Variants in SMCO1 observed in about 807,000 individuals in gnomAD.
SMCO1 encodes single-pass membrane protein with coiled-coil domains 1, also known as single-pass membrane and coiled-coil domain-containing protein 1.
Under a neutral mutation model 7.5 loss-of-function variants are expected in SMCO1, and 9 were observed. That is an observed-to-expected ratio of 1.20 (90% CI 0.72 to 2.09). SMCO1 has a LOEUF of 2.09. SMCO1 is among the 30% of genes most tolerant of loss of function. SMCO1 has a pLI of 0.00. For synonymous variants in SMCO1, 90 were observed against 93.8 expected, an observed-to-expected ratio of 0.96 and a Z score of 0.23; for missense variants, 219 against 253.1, an observed-to-expected ratio of 0.87 and a Z score of 0.91.
At chr3:196,517,498 G>A (rs1167097580), upstream of SMCO1, among the ~76,000 whole-genome samples, 4 of 152,100 alleles carry the variant, frequency 2.6e-5, no homozygotes, top group Non-Finnish European at 5.9e-5. Context: ...ATAAGGAAGC[G>A]CTGGTGGGAT....
chr3:196,508,147 A>G lies in SMCO1; in HGVS notation c.385T>C (p.Cys129Arg). ...GTGATGTCTCCTTCTTGCAGCCCAC[A>G]CTCCTCCAGTATGGACTCCCATACA... is the stretch of plus-strand genomic sequence containing the variant. The part of the protein sequence containing the change: ...RVVWESILEE[C>R]GLQEGDITAL... The change falls in exon 3 of 3, where the codon TGT becomes CGT. Residue 129 changes from cysteine (C) to arginine (R), a missense_variant. Cys to Arg is a radical substitution (Grantham distance 180). Coordinates refer to ENST00000397537, the MANE Select transcript of SMCO1 (RefSeq NM_001077657.3). 1 of 1,613,948 alleles carries G rather than the reference A, an allele frequency of 6.2e-7. No individual in the cohort carries two copies. Among genetic ancestry groups the G allele is most frequent in the Non-Finnish European group, 8.5e-7 (1 of 1,179,982 alleles).
At position 196,507,737 on chromosome 3, in the gene SMCO1, G is replaced by C; in HGVS notation, c.*150C>G. ...CTTCATTCTTTTATATGGCTGCAAA[G>C]AAAGTATCTATTGTATCAATTTGTC... On this transcript the variant is annotated 3_prime_UTR_variant, in exon 3 of 3. Transcript: ENST00000397537. The C allele has an allele frequency of 1.7e-6, 1 of 595,904 alleles. No homozygotes were observed. The highest frequency in any genetic ancestry group is 2.1e-5 in the South Asian group (1 of 46,692). 36.9% of individuals were successfully genotyped at this position (595,904 alleles called of 1,614,324 possible).
intron 2 of SMCO1, 101 bp downstream of exon 2, chr3:196,509,419 A>G (rs997400422): frequency 9.9e-7 from 1 of 1,010,272 alleles, no homozygotes; most frequent in Non-Finnish European, 1.4e-6. Context: ...ATTGCTTTAC[A>G]ATCCATTGTG....
upstream of SMCO1, among the ~76,000 whole-genome samples, chr3:196,517,731 ATGATCTGGGCTCACTG>A (rs1003858933): frequency 6.6e-6 from 1 of 152,068 alleles, no homozygotes; most frequent in African/African-American, 2.4e-5. Context: ...GTGCAGTGGC[ATGATCTGGGCTCACTG>A]CAACCTCTGC....
Position 196,509,500 on chromosome 3 carries a change from A to C in SMCO1, c.200+20T>G. The C allele has an allele frequency of 6.3e-7, 1 of 1,590,364 alleles. No individual in the cohort carries two copies. The highest frequency in any genetic ancestry group is 8.6e-7 in the Non-Finnish European group (1 of 1,163,378). ...CTCACAAAGCCACAGAATCCCACTG[A>C]TTTCTCAATTGATACTCACTGGAGT... is the stretch of plus-strand genomic sequence containing the variant. On this transcript the variant is annotated intron_variant, in intron 2 of 2. Transcript: ENST00000397537.
At chr3:196,509,765 A>C in intron 1 of SMCO1, 96 bp from the exon 2 acceptor site, 1 of 1,057,224 alleles carries the variant, frequency 9.5e-7, no homozygotes, top group Non-Finnish European at 1.3e-6. Context: ...TACAACCATT[A>C]CCAAATTTGG....
intron 1 of SMCO1, among the ~76,000 whole-genome samples, chr3:196,512,642 G>T (rs1281915665): frequency 6.6e-6 from 1 of 150,730 alleles, no homozygotes; most frequent in Non-Finnish European, 1.5e-5. Context: ...CTCCCGAGTA[G>T]CTGGGATTAC....
upstream of SMCO1, among the ~76,000 whole-genome samples, chr3:196,518,867 A>G (rs1560287205): frequency 1.3e-5 from 2 of 152,312 alleles, no homozygotes; most frequent in East Asian, 3.9e-4. Flanking sequence ...GAGAACATGG[A>G]GACCCCCCCA....
At chr3:196,512,250 G>A (rs1733262474) in intron 1 of SMCO1, among the ~76,000 whole-genome samples, 1 of 151,874 alleles carries the variant, frequency 6.6e-6, no homozygotes. Context: ...TCGTTATGAG[G>A]GAAACTTGCC....
chr3:196,514,212 C>T (rs1173888946), intron 1 of SMCO1, among the ~76,000 whole-genome samples: 2 of 152,184 alleles, frequency 1.3e-5, no homozygotes, highest in African/African-American at 4.8e-5. Flanking sequence ...ATCTCCTCAG[C>T]AGGAAAGTCA....
In SMCO1 at chr3:196,515,149, C is replaced by A; in HGVS notation, c.50+11G>T. On this transcript the variant is annotated intron_variant, in intron 1 of 2. Transcript: ENST00000397537. Reference sequence around the variant, plus strand: ...ACCCATGCTTGCTCCCTCCCTATAGCCCTCAGCAACCTTTTCATTGCCTCC... The same window carrying A: ...ACCCATGCTTGCTCCCTCCCTATAGACCTCAGCAACCTTTTCATTGCCTCC... 6.2e-7 allele frequency: 1 copy of A among 1,613,998 alleles called. No homozygotes were observed. The highest frequency in any genetic ancestry group is 8.5e-7 in the Non-Finnish European group (1 of 1,179,880).
At chr3:196,517,292 C>A (rs966050338), upstream of SMCO1, among the ~76,000 whole-genome samples, 2 of 151,848 alleles carry the variant, frequency 1.3e-5, no homozygotes, top group African/African-American at 4.8e-5. Flanking sequence ...TGAGTTTATG[C>A]TAATGAGGTG....
In SMCO1 at chr3:196,509,580, C is replaced by G; in HGVS notation, c.140G>C (p.Ser47Thr). 6.2e-7 allele frequency: 1 copy of G among 1,614,046 alleles called. No homozygotes were observed. Among genetic ancestry groups the G allele is most frequent in the Non-Finnish European group, 8.5e-7 (1 of 1,179,998 alleles). The change falls in exon 2 of 3, where the codon AGT (serine) becomes ACT (threonine). Residue 47 changes from serine (S) to threonine (T), a missense_variant. Ser to Thr is a moderately conservative substitution (Grantham distance 58). Coordinates refer to ENST00000397537, the MANE Select transcript of SMCO1 (RefSeq NM_001077657.3). The part of the protein sequence containing the change: ...DNLMQKFEHH[S>T]KALASQAAQD... ...GGCTGCTTGGCTTGCCAAAGCCTTACTATGATGTTCGAATTTCTGCATCAG... is the reference window on the plus strand; with the variant it reads ...GGCTGCTTGGCTTGCCAAAGCCTTAGTATGATGTTCGAATTTCTGCATCAG...
At chr3:196,509,493 C>G (rs765183291) in intron 2 of SMCO1, 27 bp downstream of exon 2, 1 of 1,585,056 alleles carries the variant, frequency 6.3e-7, no homozygotes, top group Non-Finnish European at 8.6e-7. Flanking sequence ...GCCACAGAAT[C>G]CCACTGATTT....
upstream of SMCO1, among the ~76,000 whole-genome samples, chr3:196,517,146 A>C (rs1366932011): frequency 7.0e-6 from 1 of 143,458 alleles, no homozygotes; most frequent in Non-Finnish European, 1.5e-5. Context: ...TTAATCTAGC[A>C]GTGATATTGT....
upstream of SMCO1, among the ~76,000 whole-genome samples, chr3:196,519,860 G>A (rs978729156): frequency 6.6e-6 from 1 of 152,106 alleles, no homozygotes; most frequent in Non-Finnish European, 1.5e-5. Flanking sequence ...CCATGGCTTG[G>A]AGAGTCACAC....
At chr3:196,513,084 T>A (rs1430685837) in intron 1 of SMCO1, among the ~76,000 whole-genome samples, 1 of 152,110 alleles carries the variant, frequency 6.6e-6, no homozygotes, top group African/African-American at 2.4e-5. Context: ...ATCACAGCAG[T>A]TTGGGAGGCC....
Position 196,507,931 on chromosome 3 carries a change from G to A in SMCO1, c.601C>T (p.Gln201Ter). The A allele has an allele frequency of 6.2e-7, 1 of 1,614,020 alleles. No homozygotes were observed. The highest frequency in any genetic ancestry group is 8.5e-7 in the Non-Finnish European group (1 of 1,179,952). The change falls in exon 3 of 3, where the codon CAA (glutamine) becomes TAA (stop). Residue 201 changes from glutamine (Q) to a stop codon, truncating the protein, a stop_gained. Coordinates refer to ENST00000397537, the MANE Select transcript of SMCO1 (RefSeq NM_001077657.3). LOFTEE classifies it high-confidence loss of function. ...KGKAVRTPEK[Q>*]KSSLEELIPS... Reference sequence around the variant, plus strand: ...ATCAACTCTTCGAGGGATGACTTTTGCTTTTCAGGGGTCCTAACTGCTTTC... The same window carrying A: ...ATCAACTCTTCGAGGGATGACTTTTACTTTTCAGGGGTCCTAACTGCTTTC...
chr3:196,511,391 C>A (rs112411153), intron 1 of SMCO1, among the ~76,000 whole-genome samples: 2,445 of 112,932 alleles, frequency 0.022, 1 homozygote, highest in African/African-American at 0.098. Flanking sequence ...CTAGATTGTC[C>A]TTATGAGGGA....
Sources: gnomAD v4.1 joint callset for allele counts (sites outside exome capture counted in the v4.1 genomes callset) on GRCh38, gnomAD v4.1.1 for gene constraint, MANE v1.5 for transcripts, NCBI Gene and HGNC (gene_info 2026-07-23, HGNC 2026-07-21) for gene names.